Variants in RIN3 observed in about 807,000 individuals in gnomAD.
RIN3 encodes RAB5 interacting protein 3.
In RIN3, 54 loss-of-function variants were observed where a neutral mutation model predicts 76.3. The observed-to-expected ratio is 0.71, with a 90% CI of 0.57 to 0.89. RIN3 has a LOEUF of 0.89. Ranked by LOEUF, RIN3 falls within the 40% of genes least tolerant of loss-of-function variation. RIN3 has a pLI of 0.00. For synonymous variants in RIN3, 576 were observed against 564.0 expected, an observed-to-expected ratio of 1.02 and a Z score of -0.30; for missense variants, 1,256 against 1,322.1, an observed-to-expected ratio of 0.95 and a Z score of 0.78.
chr14:92,569,775 C>A (rs1164844259), intron 2 of RIN3, among the ~76,000 whole-genome samples: 1 of 152,102 alleles, frequency 6.6e-6, no homozygotes. Flanking sequence ...AGGCAGAGAT[C>A]AGTGGGGGCT....
chr14:92,600,303 T>G (rs1408440442), intron 3 of RIN3, among the ~76,000 whole-genome samples: 1 of 152,058 alleles, frequency 6.6e-6, no homozygotes, highest in Admixed American at 6.5e-5. Context: ...TAGGGCACAA[T>G]CCAGTGCCCT....
At chr14:92,584,161 G>A (rs1295895928) in intron 3 of RIN3, among the ~76,000 whole-genome samples, 1 of 151,830 alleles carries the variant, frequency 6.6e-6, no homozygotes, top group African/African-American at 2.4e-5. Context: ...TGAGGGGGTG[G>A]GGGGGTCTTG....
chr14:92,515,110 A>T, intron 1 of RIN3: 1 of 614,614 alleles, frequency 1.6e-6, no homozygotes, highest in Non-Finnish European at 2.9e-6. Context: ...GGGGGCCTTA[A>T]GCTCATCTAG....
chr14:92,637,384 G>A (rs7143806), intron 4 of RIN3, among the ~76,000 whole-genome samples: 23,574 of 152,010 alleles, frequency 0.16, 1,965 homozygotes, highest in Middle Eastern at 0.18. Context: ...GACAGGAGGC[G>A]GAGCTCAGGC....
chr14:92,610,217 C>A (rs1264535171), intron 3 of RIN3, among the ~76,000 whole-genome samples: 1 of 151,998 alleles, frequency 6.6e-6, no homozygotes, highest in Non-Finnish European at 1.5e-5. Context: ...GAACTGTACA[C>A]TTAAAAATGG....
At chr14:92,526,143 ATT>A (rs1896722908) in intron 1 of RIN3, among the ~76,000 whole-genome samples, 1 of 152,040 alleles carries the variant, frequency 6.6e-6, no homozygotes, top group African/African-American at 2.4e-5. Flanking sequence ...ATAGGCAGGA[ATT>A]TTTACCCCAT....
intron 1 of RIN3, among the ~76,000 whole-genome samples, chr14:92,542,293 A>G (rs1375902025): frequency 2.0e-5 from 3 of 152,312 alleles, no homozygotes; most frequent in African/African-American, 4.8e-5. Context: ...GTCTCAAAAA[A>G]AAAAGGCCAA....
At chr14:92,535,392 G>C (rs1896973269) in intron 1 of RIN3, among the ~76,000 whole-genome samples, 1 of 148,564 alleles carries the variant, frequency 6.7e-6, no homozygotes, top group Admixed American at 6.7e-5. Flanking sequence ...GGAGTGCAGT[G>C]GTGTGATCTT....
chr14:92,514,056 C>A lies in RIN3; in HGVS notation c.44+80C>A. ...GGCCGCCCCACTCCACTTCTTGTCC[C>A]AGAGAGTCCTTCGGGCGCGTGACCT... is the stretch of plus-strand genomic sequence containing the variant. On this transcript the variant is annotated intron_variant, in intron 1 of 9. Coordinates refer to ENST00000216487, the MANE Select transcript of RIN3 (RefSeq NM_024832.5). The surrounding 1 kb of genome is among the most constrained non-coding windows in gnomAD (Gnocchi z 7.2). 9.9e-7 allele frequency: 1 copy of A among 1,009,266 alleles called. No individual in the cohort carries two copies. Among genetic ancestry groups the A allele is most frequent in the Non-Finnish European group, 1.3e-6 (1 of 783,128 alleles). 62.5% of individuals were successfully genotyped at this position (1,009,266 alleles called of 1,614,324 possible).
intron 1 of RIN3, among the ~76,000 whole-genome samples, chr14:92,553,132 A>G (rs1897482139): frequency 6.6e-6 from 1 of 152,100 alleles, no homozygotes; most frequent in Admixed American, 6.5e-5. Context: ...CAGATGAGGA[A>G]ACAGACCTTG....
chr14:92,629,050 G>A (rs1002789909), intron 4 of RIN3, among the ~76,000 whole-genome samples: 15 of 151,982 alleles, frequency 9.9e-5, no homozygotes, highest in African/African-American at 3.4e-4. Flanking sequence ...CACTGGCCAC[G>A]GCCAGAAACC....
chr14:92,600,600 G>C (rs967646645), intron 3 of RIN3, among the ~76,000 whole-genome samples: 1 of 152,220 alleles, frequency 6.6e-6, no homozygotes, highest in Non-Finnish European at 1.5e-5. Flanking sequence ...TGAGTCATGG[G>C]CCGTCTTCCA....
At chr14:92,544,031 C>T (rs926674295) in intron 1 of RIN3, among the ~76,000 whole-genome samples, 1 of 152,126 alleles carries the variant, frequency 6.6e-6, no homozygotes, top group Non-Finnish European at 1.5e-5. Context: ...CCCCCCATCT[C>T]ATTTAGTAGT....
chr14:92,523,444 T>C (rs1195603484), intron 1 of RIN3, among the ~76,000 whole-genome samples: 2 of 152,350 alleles, frequency 1.3e-5, no homozygotes, highest in East Asian at 3.9e-4. Context: ...TATTTTAGAT[T>C]TTCTATCACT....
chr14:92,555,629 C>T, intron 1 of RIN3, 122 bp from the exon 2 acceptor site: 1 of 909,278 alleles, frequency 1.1e-6, no homozygotes, highest in South Asian at 1.5e-5. Context: ...TTTTTAATTC[C>T]CCAAAGGGCC....
At chr14:92,657,361 A>T (rs1365166692) in intron 6 of RIN3, among the ~76,000 whole-genome samples, 1 of 50,448 alleles carries the variant, frequency 2.0e-5, no homozygotes, top group Non-Finnish European at 4.6e-5. Context: ...ATTCTGTCTC[A>T]AAAAACAAAA....
At position 92,625,363 on chromosome 14, in the gene RIN3, C is replaced by A. The variant is rs1003988091; in HGVS notation, c.440+9884C>A. 7.5e-4 allele frequency among the ~76,000 whole-genome samples: 114 copies of A among 152,246 alleles called. 2 individuals carry two copies. Among genetic ancestry groups the A allele is most frequent in the Non-Finnish European group, 2.5e-4 (17 of 68,028 alleles). ...GGGTCATGATACTCCCATTTGATTCCTAAAGTTTGAGTAAGCCCTTTAATG... is the reference window on the plus strand; with the variant it reads ...GGGTCATGATACTCCCATTTGATTCATAAAGTTTGAGTAAGCCCTTTAATG... On this transcript the variant is annotated intron_variant, in intron 4 of 9. Transcript: ENST00000216487.
At chr14:92,602,782 G>A (rs1014920829) in intron 3 of RIN3, among the ~76,000 whole-genome samples, 7 of 152,186 alleles carry the variant, frequency 4.6e-5, no homozygotes, top group Admixed American at 1.3e-4. Context: ...GAGAGCTCTA[G>A]AATGTAACTC....
intron 1 of RIN3, among the ~76,000 whole-genome samples, chr14:92,547,877 T>A (rs1897324845): frequency 6.6e-6 from 1 of 152,044 alleles, no homozygotes; most frequent in Non-Finnish European, 1.5e-5. Flanking sequence ...CTAATTTTTT[T>A]ATTTTTAGTA....
Sources: allele counts gnomAD v4.1 joint callset (sites outside exome capture counted in the v4.1 genomes callset), GRCh38; gene constraint gnomAD v4.1.1; non-coding constraint Gnocchi (gnomAD v3.1); transcripts MANE v1.5; gene names NCBI Gene and HGNC (gene_info 2026-07-23, HGNC 2026-07-21).